The following FAM184B variants were observed in gnomAD, a reference collection of about 807,000 sequenced individuals.
FAM184B encodes the protein family with sequence similarity 184 member B, also known as protein FAM184B.
A neutral mutation model predicts 135.9 loss-of-function variants in FAM184B; 111 were observed. The ratio of observed to expected loss-of-function variants is 0.82; its 90% CI spans 0.70 to 0.96. The LOEUF (loss-of-function observed/expected upper bound fraction) is 0.96, where lower values mean the gene tolerates loss of function less well. Ranked by LOEUF, FAM184B falls within the 40% of genes least tolerant of loss-of-function variation. The pLI is 0.00. For synonymous variants in FAM184B, 552 were observed against 524.8 expected (o/e 1.05, Z -0.71); for missense variants, 1,375 against 1,323.9 (o/e 1.04, Z -0.60).
chr4:17,651,631 C>G (rs1386520027), intron 11 of FAM184B, among the ~76,000 whole-genome samples: 1 of 150,978 alleles, frequency 6.6e-6, no homozygotes, highest in Non-Finnish European at 1.5e-5. Flanking sequence ...ATACCAGGCT[C>G]TATTTGAAGC....
At chr4:17,683,591 C>A (rs1422933311) in intron 7 of FAM184B, among the ~76,000 whole-genome samples, 1 of 152,018 alleles carries the variant, frequency 6.6e-6, no homozygotes, top group African/African-American at 2.4e-5. Context: ...ATGGTGCTAT[C>A]CATTGAAGTA....
At chr4:17,745,431 C>T (rs112805213) in intron 1 of FAM184B, among the ~76,000 whole-genome samples, 2 of 152,334 alleles carry the variant, frequency 1.3e-5, no homozygotes, top group Non-Finnish European at 2.9e-5. Context: ...CTACTAAGTC[C>T]GCGGCCTTAG....
intron 9 of FAM184B, among the ~76,000 whole-genome samples, chr4:17,658,886 A>T (rs973038663): frequency 3.3e-5 from 5 of 151,884 alleles, no homozygotes; most frequent in Non-Finnish European, 5.9e-5. Context: ...CTTCCTCACT[A>T]AGGATTCTCC....
At chr4:17,692,308 C>G (rs1484528495) in intron 6 of FAM184B, among the ~76,000 whole-genome samples, 1 of 152,244 alleles carries the variant, frequency 6.6e-6, no homozygotes, top group African/African-American at 2.4e-5. Context: ...TTGGTCTGGG[C>G]CAGAACAGAA....
At chr4:17,767,376 A>G in intron 1 of FAM184B, among the ~76,000 whole-genome samples, 1 of 152,212 alleles carries the variant, frequency 6.6e-6, no homozygotes, top group East Asian at 1.9e-4. Flanking sequence ...TCAGTAAGTC[A>G]ATTATAAATG....
rs1006091560 is a variant in FAM184B at position 17,712,397 on chromosome 4, G to A, written c.142-2753C>T. Reference sequence around the variant, plus strand: ...GAGAAGCTGGGCTGGTGTAGACGCCGTGGAGTCAGATGCCAAACACGACAC... The same window carrying A: ...GAGAAGCTGGGCTGGTGTAGACGCCATGGAGTCAGATGCCAAACACGACAC... On this transcript the variant is annotated intron_variant, in intron 1 of 17. Coordinates refer to ENST00000265018, the MANE Select transcript of FAM184B (RefSeq NM_015688.2). Among the ~76,000 whole-genome samples, 10 of 152,296 alleles carry A rather than the reference G, an allele frequency of 6.6e-5. No individual in the cohort carries two copies. The South Asian group carries it at 2.1e-3, about 32-fold the overall frequency.
chr4:17,703,660 T>C (rs1717037086), intron 5 of FAM184B, among the ~76,000 whole-genome samples: 1 of 152,144 alleles, frequency 6.6e-6, no homozygotes, highest in African/African-American at 2.4e-5. Flanking sequence ...AGGCCAGGCA[T>C]GGTGGCTCAC....
intron 2 of FAM184B, among the ~76,000 whole-genome samples, chr4:17,708,142 T>C (rs1717158139): frequency 2.0e-5 from 3 of 152,282 alleles, no homozygotes; most frequent in Admixed American, 2.0e-4. Flanking sequence ...GCTATGAAAC[T>C]AACAGGGGCT....
At position 17,686,248 on chromosome 4, in the gene FAM184B, A is replaced by C. The variant is rs76360002; in HGVS notation, c.1596+2176T>G. Among the ~76,000 whole-genome samples, 192 of 152,334 alleles carry C rather than the reference A, an allele frequency of 1.3e-3. 1 individual carries two copies. Among genetic ancestry groups the C allele is most frequent in the African/African-American group, 4.6e-3 (190 of 41,584 alleles). ...ACTGAGGGAGAATGAAAATGTCTGC[A>C]CATCCCTCAGGCAGAAATCTTCTGA... On this transcript the variant is annotated intron_variant, in intron 7 of 17. Transcript: ENST00000265018.
At position 17,631,114 on chromosome 4, in the gene FAM184B, T is replaced by C. The variant is rs768122175; in HGVS notation, c.*1418A>G. ...GCAAGGTCAGCACCGTGAACAGCCA[T>C]TGCGGTTCCTTTAACCCACTGGGAA... On this transcript the variant is annotated 3_prime_UTR_variant, in exon 18 of 18. Transcript: ENST00000265018. 6.6e-6 allele frequency: 1 copy of C among 152,326 alleles called. No individual in the cohort carries two copies. The highest frequency in any genetic ancestry group is 1.9e-4 in the East Asian group (1 of 5,194). 9.4% of individuals were successfully genotyped at this position (152,326 alleles called of 1,614,324 possible).
intron 1 of FAM184B, among the ~76,000 whole-genome samples, chr4:17,719,119 A>T (rs950824078): frequency 6.6e-6 from 1 of 152,240 alleles, no homozygotes; most frequent in Non-Finnish European, 1.5e-5. Context: ...GGTTAACAAC[A>T]ATCACTAGTA....
intron 1 of FAM184B, among the ~76,000 whole-genome samples, chr4:17,730,499 T>G (rs1717751419): frequency 6.6e-6 from 1 of 152,124 alleles, no homozygotes; most frequent in African/African-American, 2.4e-5. Flanking sequence ...GAAAAAATGT[T>G]AAGGGCAGCC....
In FAM184B at chr4:17,748,415, C is replaced by T. The variant is rs78419812; in HGVS notation, c.141+32744G>A. 8.2e-3 allele frequency among the ~76,000 whole-genome samples: 1,243 copies of T among 151,392 alleles called. 16 individuals are homozygous for T. The highest frequency in any genetic ancestry group is 0.029 in the African/African-American group (1,186 of 41,228). The stretch of plus-strand genomic sequence containing the variant: ...CCTGTCAGAAGTGGGAATCAAGACT[C>T]TTTGGTCCATTGATATACCTCAGAG... On this transcript the variant is annotated intron_variant, in intron 1 of 17. Transcript: ENST00000265018.
chr4:17,734,191 T>G (rs955831291), intron 1 of FAM184B, among the ~76,000 whole-genome samples: 21 of 152,190 alleles, frequency 1.4e-4, no homozygotes, highest in South Asian at 2.1e-4. Context: ...CAAGATGGAT[T>G]AAAGACTTAC....
intron 1 of FAM184B, among the ~76,000 whole-genome samples, chr4:17,758,193 T>C (rs1229647427): frequency 1.3e-5 from 2 of 152,230 alleles, no homozygotes; most frequent in Non-Finnish European, 2.9e-5. Context: ...TCAAGGAATA[T>C]AAAGGACTCA....
At chr4:17,647,208 T>G (rs1224521259) in intron 12 of FAM184B, among the ~76,000 whole-genome samples, 1 of 150,866 alleles carries the variant, frequency 6.6e-6, no homozygotes, top group Non-Finnish European at 1.5e-5. Flanking sequence ...CTTCCCCACT[T>G]CGGGCAGGGG....
chr4:17,780,702 G>A (rs1046444054), intron 1 of FAM184B, among the ~76,000 whole-genome samples: 12 of 152,000 alleles, frequency 7.9e-5, no homozygotes, highest in African/African-American at 2.4e-4. Context: ...GTTTAGTACG[G>A]TGCCACGCAA....
chr4:17,754,553 GAAAA>G (rs11329711), intron 1 of FAM184B, among the ~76,000 whole-genome samples: 1 of 47,106 alleles, frequency 2.1e-5, no homozygotes, highest in Non-Finnish European at 6.1e-5. Context: ...CTCTGTCTCA[GAAAA>G]AAAAAAAAAA....
intron 7 of FAM184B, among the ~76,000 whole-genome samples, chr4:17,668,017 G>T (rs568501341): frequency 7.9e-5 from 12 of 152,190 alleles, no homozygotes; most frequent in Non-Finnish European, 1.6e-4. Flanking sequence ...CCTCCTCAGG[G>T]TTCTCCCTAT....
Sources: gnomAD v4.1 joint callset for allele counts (sites outside exome capture counted in the v4.1 genomes callset) on GRCh38, gnomAD v4.1.1 for gene constraint, MANE v1.5 for transcripts, NCBI Gene and HGNC (gene_info 2026-07-23, HGNC 2026-07-21) for gene names.